The following TEAD4 variants were observed in gnomAD, a reference collection of about 807,000 sequenced individuals.
The protein encoded by TEAD4 is TEA domain transcription factor 4, also known as transcriptional enhancer factor TEF-3.
TEAD4 carries 36 observed loss-of-function variants against 52.4 expected under a neutral mutation model. The observed-to-expected ratio is 0.69, with a 90% CI of 0.53 to 0.91. The LOEUF (loss-of-function observed/expected upper bound fraction) is 0.91, where lower values mean the gene tolerates loss of function less well. Ranked by LOEUF, TEAD4 falls within the 40% of genes least tolerant of loss-of-function variation. The probability of loss-of-function intolerance (pLI) is 0.00; values close to 1 mark genes in which losing one functional copy is unlikely to be tolerated. For synonymous variants in TEAD4, 220 were observed against 231.0 expected (o/e 0.95, Z 0.43); for missense variants, 508 against 583.9 (o/e 0.87, Z 1.34).
chr12:3,012,040 C>T lies in TEAD4; in HGVS notation c.292-130C>T, dbSNP rs914200677. 1.8e-5 allele frequency: 16 copies of T among 879,530 alleles called. No individual in the cohort carries two copies. The Admixed American group carries it at 2.8e-4, about 15-fold the overall frequency. 54.5% of individuals were successfully genotyped at this position (879,530 alleles called of 1,614,324 possible). A position where few individuals can be genotyped will look rare whatever the true frequency, so the allele number is the denominator to read the frequency against. Reference sequence around the variant, plus strand: ...CAGGACTGAGGGCCCACCAGTTGACCCTTTCATTCATTCATTCATTTGGTC... The same window carrying T: ...CAGGACTGAGGGCCCACCAGTTGACTCTTTCATTCATTCATTCATTTGGTC... On this transcript the variant is annotated intron_variant, in intron 4 of 12. Transcript: ENST00000359864.
At position 3,013,690 on chromosome 12, in the gene TEAD4, T is replaced by G. The variant is rs902675635; in HGVS notation, c.354+1458T>G. On this transcript the variant is annotated intron_variant, in intron 5 of 12. Transcript: ENST00000359864. ...TGGAGGTTGCAGTGAGCCAAGATAG[T>G]GCCACTGCACACCAGTCTGGGCAAC... Among the ~76,000 whole-genome samples, 3 of 152,074 alleles carry G rather than the reference T, an allele frequency of 2.0e-5. No homozygotes were observed. In the East Asian group the frequency reaches 5.8e-4, roughly 29 times the overall value.
chr12:3,040,578 C>A lies in TEAD4; in HGVS notation c.*100C>A. On this transcript the variant is annotated 3_prime_UTR_variant, in exon 13 of 13. Transcript: ENST00000359864. Reference sequence around the variant, plus strand: ...GCAGCCCCCTGAAGTGCCAAGAGAGCTGAGAGGAGCAGTTGTGACTCTACC... The same window carrying A: ...GCAGCCCCCTGAAGTGCCAAGAGAGATGAGAGGAGCAGTTGTGACTCTACC... 1 of 1,047,486 alleles carries A rather than the reference C, an allele frequency of 9.5e-7. No individual in the cohort carries two copies. Among genetic ancestry groups the A allele is most frequent in the South Asian group, 1.4e-5 (1 of 70,314 alleles). 64.9% of individuals were successfully genotyped at this position (1,047,486 alleles called of 1,614,324 possible).
intron 2 of TEAD4, among the ~76,000 whole-genome samples, chr12:2,971,073 G>T (rs1168437976): frequency 2.0e-5 from 3 of 152,248 alleles, no homozygotes; most frequent in Non-Finnish European, 1.5e-5. Context: ...AGCACCCACG[G>T]TGTGCCCGGC....
At chr12:3,030,167 CT>C (rs1488005456) in intron 10 of TEAD4, among the ~76,000 whole-genome samples, 3 of 152,152 alleles carry the variant, frequency 2.0e-5, no homozygotes, top group East Asian at 3.9e-4. Flanking sequence ...CCCTTTGGTC[CT>C]CTTTAAAAAG....
intron 2 of TEAD4, among the ~76,000 whole-genome samples, chr12:2,969,095 A>G (rs777035141): frequency 2.6e-5 from 4 of 152,254 alleles, no homozygotes; most frequent in Non-Finnish European, 5.9e-5. Flanking sequence ...CTATTACTTC[A>G]TTATGTAAAA....
chr12:2,970,468 T>A (rs2098224151), intron 2 of TEAD4, among the ~76,000 whole-genome samples: 1 of 152,244 alleles, frequency 6.6e-6, no homozygotes, highest in Admixed American at 6.5e-5. Context: ...CGGCACATAA[T>A]AACCACTGTG....
At chr12:3,020,899 C>A in intron 9 of TEAD4, 126 bp downstream of exon 9, 1 of 1,035,070 alleles carries the variant, frequency 9.7e-7, no homozygotes, top group Non-Finnish European at 1.3e-6. Flanking sequence ...TCCGATCTTC[C>A]CTTCTGCCCT....
rs1591593089 is a variant in TEAD4, at chr12:3,022,011, G to A, written c.891G>A (p.Lys297=). Residue 297 remains lysine (K), a synonymous_variant, in exon 10 of 13, where the codon AAG becomes AAA. Transcript: ENST00000359864. ...CCTCCAATGCCTTTTTTCTTGTGAA[G>A]TTCTGGGTAAGCCTGTGATAACCCC... is the stretch of plus-strand genomic sequence containing the variant. The A allele has an allele frequency of 6.2e-7, 1 of 1,614,128 alleles. No homozygotes were observed.
intron 2 of TEAD4, among the ~76,000 whole-genome samples, chr12:2,980,836 A>G (rs1460970822): frequency 2.0e-5 from 3 of 152,186 alleles, no homozygotes; most frequent in Non-Finnish European, 4.4e-5. Flanking sequence ...CGAGGCGGGC[A>G]GATGTCTGAG....
chr12:2,986,652 AAAAT>A (rs1482151991), intron 2 of TEAD4, among the ~76,000 whole-genome samples: 1 of 150,656 alleles, frequency 6.6e-6, no homozygotes, highest in Non-Finnish European at 1.5e-5. Flanking sequence ...AAAATAAAAA[AAAAT>A]AAATAAATAA....
At chr12:3,010,680 G>A (rs565374509) in intron 3 of TEAD4, among the ~76,000 whole-genome samples, 11 of 152,350 alleles carry the variant, frequency 7.2e-5, no homozygotes, top group African/African-American at 2.6e-4. Flanking sequence ...GAGAGGAGAG[G>A]AGGCCGCCAG....
intron 2 of TEAD4, among the ~76,000 whole-genome samples, chr12:2,984,511 C>G (rs2098236498): frequency 6.6e-6 from 1 of 152,098 alleles, no homozygotes; most frequent in Admixed American, 6.6e-5. Flanking sequence ...AGGGAAAAGT[C>G]AAAACAGTCA....
intron 7 of TEAD4, among the ~76,000 whole-genome samples, chr12:3,018,841 G>T (rs1472434058): frequency 6.6e-6 from 1 of 152,126 alleles, no homozygotes; most frequent in African/African-American, 2.4e-5. Flanking sequence ...GGCCAGAGCT[G>T]GGGTCCCCCA....
chr12:3,025,014 G>A (rs761299012), intron 10 of TEAD4, among the ~76,000 whole-genome samples: 2 of 151,066 alleles, frequency 1.3e-5, no homozygotes, highest in Non-Finnish European at 2.9e-5. Flanking sequence ...GCGCGATCTC[G>A]GCTCACTACA....
rs2098268158 is a variant in TEAD4, at chr12:3,020,786, C to G, written c.723+13C>G. ...GGACCCGGACACGGTAGGTCCTGGC[C>G]TCTGCCTGTCCAGCTCCCTGGTCAC... On this transcript the variant is annotated intron_variant, in intron 9 of 12. Transcript: ENST00000359864. 6.4e-7 allele frequency: 1 copy of G among 1,570,214 alleles called. No homozygotes were observed.
At position 3,017,457 on chromosome 12, in the gene TEAD4, C is replaced by T. The variant is rs766428354; in HGVS notation, c.414C>T (p.Ile138=). Residue 138 remains isoleucine, a synonymous_variant, in exon 6 of 13, where the codon ATC becomes ATT. Coordinates refer to ENST00000359864, the MANE Select transcript of TEAD4 (RefSeq NM_003213.4). Reference sequence around the variant, plus strand: ...TGGCTGCCATGTCGTCTGCACAGATCATCTCCGCCACGGCCTTCCACAGTA... The same window carrying T: ...TGGCTGCCATGTCGTCTGCACAGATTATCTCCGCCACGGCCTTCCACAGTA... The T allele has an allele frequency of 1.9e-6, 3 of 1,614,078 alleles. No homozygotes were observed. The highest frequency in any genetic ancestry group is 3.3e-5 in the Admixed American group (2 of 60,008).
chr12:3,000,647 T>G (rs1014083053), intron 3 of TEAD4, among the ~76,000 whole-genome samples: 6 of 152,092 alleles, frequency 3.9e-5, no homozygotes, highest in Admixed American at 6.5e-5. Context: ...GGACTAATAT[T>G]CAAACCATAG....
At position 3,010,855 on chromosome 12, in the gene TEAD4, G is replaced by GTA. The variant is rs1213218287; in HGVS notation, c.227-149_227-148insTA. ...CTGGGAGATCCCTGTGATCCAGAGA[G>GTA]GGAACCCACAGAATCCTCACCCCAC... is the stretch of plus-strand genomic sequence containing the variant. On this transcript the variant is annotated intron_variant, in intron 3 of 12. Coordinates refer to ENST00000359864, the MANE Select transcript of TEAD4 (RefSeq NM_003213.4). 2.0e-4 allele frequency: 150 copies of GTA among 763,390 alleles called. No homozygotes were observed. The East Asian group carries it at 3.9e-3, about 20-fold the overall frequency. 47.3% of individuals were successfully genotyped at this position (763,390 alleles called of 1,614,324 possible).
chr12:2,975,171 A>AAAAC (rs1222125602), intron 2 of TEAD4, among the ~76,000 whole-genome samples: 1 of 37,148 alleles, frequency 2.7e-5, no homozygotes, highest in East Asian at 4.7e-4. Context: ...CTCAACCCTT[A>AAAAC]AAACAAACAA....
Sources: gnomAD v4.1 joint callset for allele counts (sites outside exome capture counted in the v4.1 genomes callset) on GRCh38, gnomAD v4.1.1 for gene constraint, MANE v1.5 for transcripts, NCBI Gene and HGNC (gene_info 2026-07-23, HGNC 2026-07-21) for gene names.